The following KHDRBS3 variants were observed in gnomAD, a reference collection of about 807,000 sequenced individuals.
The protein encoded by KHDRBS3 is KH RNA binding domain containing, signal transduction associated 3.
Under a neutral mutation model 45.6 loss-of-function variants are expected in KHDRBS3, and 23 were observed. That is an observed-to-expected ratio of 0.50 (90% CI 0.36 to 0.72). KHDRBS3 has a LOEUF of 0.72. Among genes scored for constraint, KHDRBS3 ranks in the 30% least tolerant of loss-of-function variants. KHDRBS3 has a pLI of 0.00. For synonymous variants in KHDRBS3, 162 were observed against 156.5 expected (o/e 1.04, Z -0.26); for missense variants, 352 against 424.8 (o/e 0.83, Z 1.51).
chr8:135,548,747 T>A lies in KHDRBS3; in HGVS notation c.325-7T>A. ...TTTAAATGTGATTTCTTTTTTCCTT[T>A]TTCCAGGAAGAAGAGTTGAGGAAAA... On this transcript the variant is annotated splice_polypyrimidine_tract_variant and splice_region_variant and intron_variant, in intron 3 of 8. Coordinates refer to ENST00000355849, the MANE Select transcript of KHDRBS3 (RefSeq NM_006558.3). 1 of 1,500,998 alleles carries A rather than the reference T, an allele frequency of 6.7e-7. No individual in the cohort carries two copies. Among genetic ancestry groups the A allele is most frequent in the Non-Finnish European group, 8.9e-7 (1 of 1,124,436 alleles). The allele number at this position is 1,500,998 out of a possible 1,614,324, so 93.0% of individuals were successfully genotyped here.
chr8:135,609,314 A>AT (rs922493693), intron 7 of KHDRBS3, among the ~76,000 whole-genome samples: 7 of 147,336 alleles, frequency 4.8e-5, no homozygotes, highest in African/African-American at 2.5e-5. Context: ...TACTTTGTAA[A>AT]TTTTTTTTTC....
downstream of KHDRBS3, among the ~76,000 whole-genome samples, chr8:135,650,580 G>GTA (rs915370886): frequency 1.3e-5 from 2 of 152,178 alleles, no homozygotes; most frequent in Non-Finnish European, 2.9e-5. Flanking sequence ...TGTTGCTCAT[G>GTA]TACCTTATAA....
At chr8:135,524,536 C>T (rs1262568291) in intron 2 of KHDRBS3, among the ~76,000 whole-genome samples, 2 of 152,152 alleles carry the variant, frequency 1.3e-5, no homozygotes, top group African/African-American at 4.8e-5. Flanking sequence ...CCTATGACAT[C>T]TTTCGTGAAA....
At chr8:135,540,629 G>A (rs1825998919) in intron 2 of KHDRBS3, 1 of 152,242 alleles carries the variant, frequency 6.6e-6, no homozygotes, top group South Asian at 2.1e-4. Flanking sequence ...AAGTGTGCGT[G>A]CTTAGTGATG....
At chr8:135,458,099 G>T in intron 1 of KHDRBS3, 145 bp downstream of exon 1, 1 of 1,392,304 alleles carries the variant, frequency 7.2e-7, no homozygotes, top group Non-Finnish European at 9.3e-7. Flanking sequence ...TCGTTTGCAC[G>T]GGGACCTGGG....
intron 4 of KHDRBS3, among the ~76,000 whole-genome samples, chr8:135,555,954 C>T (rs533093124): frequency 2.6e-5 from 4 of 152,204 alleles, no homozygotes; most frequent in African/African-American, 9.6e-5. Context: ...TCTCATTGTC[C>T]ACCTCCCACT....
intron 1 of KHDRBS3, among the ~76,000 whole-genome samples, chr8:135,503,033 A>G (rs570956638): frequency 6.6e-6 from 1 of 152,208 alleles, no homozygotes; most frequent in African/African-American, 2.4e-5. Flanking sequence ...CTGCACAGAC[A>G]TAGAGCATTT....
At chr8:135,527,410 T>C (rs1239328640) in intron 2 of KHDRBS3, among the ~76,000 whole-genome samples, 1 of 152,220 alleles carries the variant, frequency 6.6e-6, no homozygotes, top group African/African-American at 2.4e-5. Flanking sequence ...AGGAGCACTA[T>C]ATTGAAGCAC....
intron 1 of KHDRBS3, among the ~76,000 whole-genome samples, chr8:135,487,717 G>A (rs1390642427): frequency 6.6e-6 from 1 of 152,124 alleles, no homozygotes; most frequent in African/African-American, 2.4e-5. Flanking sequence ...CTGGAGCCTC[G>A]ATAGTCCATG....
At chr8:135,558,864 G>A (rs532362357) in intron 5 of KHDRBS3, among the ~76,000 whole-genome samples, 1 of 152,186 alleles carries the variant, frequency 6.6e-6, no homozygotes, top group Admixed American at 6.5e-5. Flanking sequence ...CTAGGCCAAA[G>A]TCAAGGTGTT....
intron 1 of KHDRBS3, among the ~76,000 whole-genome samples, chr8:135,504,098 A>G (rs1387536368): frequency 6.6e-6 from 1 of 152,068 alleles, no homozygotes; most frequent in African/African-American, 2.4e-5. Context: ...CTTTTTTCTC[A>G]GTGTCATACT....
chr8:135,514,407 T>C (rs938013079), intron 1 of KHDRBS3, among the ~76,000 whole-genome samples: 1 of 152,258 alleles, frequency 6.6e-6, no homozygotes, highest in South Asian at 2.1e-4. Flanking sequence ...TACTGCCACA[T>C]GCTGCCCCGT....
In KHDRBS3 at chr8:135,604,336, G is replaced by A. The variant is rs1332185210; in HGVS notation, c.808-2619G>A. ...TTTGAACTAAAGTGTGTCTCTTGTA[G>A]ACAGCATGTGGTTGGATCATTTTTC... is the stretch of plus-strand genomic sequence containing the variant. On this transcript the variant is annotated intron_variant, in intron 6 of 8. Coordinates refer to ENST00000355849, the MANE Select transcript of KHDRBS3 (RefSeq NM_006558.3). Among the ~76,000 whole-genome samples, 4 of 151,774 alleles carry A rather than the reference G, an allele frequency of 2.6e-5. No homozygotes were observed. The East Asian group carries it at 7.7e-4, about 29-fold the overall frequency.
intron 7 of KHDRBS3, among the ~76,000 whole-genome samples, chr8:135,643,769 G>A (rs1831166821): frequency 6.6e-6 from 1 of 152,180 alleles, no homozygotes; most frequent in Admixed American, 6.5e-5. Context: ...TGTTCTCCAT[G>A]CAATTTAGCC....
At chr8:135,610,455 A>G (rs1387134060) in intron 7 of KHDRBS3, among the ~76,000 whole-genome samples, 1 of 151,848 alleles carries the variant, frequency 6.6e-6, no homozygotes, top group African/African-American at 2.4e-5. Flanking sequence ...TATTTATTCA[A>G]TCAGTGTTTA....
At chr8:135,461,737 T>A (rs1249584510) in intron 1 of KHDRBS3, among the ~76,000 whole-genome samples, 1 of 152,252 alleles carries the variant, frequency 6.6e-6, no homozygotes, top group Non-Finnish European at 1.5e-5. Flanking sequence ...ACACTGTATT[T>A]TTAATTATCT....
At chr8:135,504,464 A>G (rs1823889476) in intron 1 of KHDRBS3, among the ~76,000 whole-genome samples, 1 of 152,182 alleles carries the variant, frequency 6.6e-6, no homozygotes, top group Non-Finnish European at 1.5e-5. Context: ...TAGCATTTGT[A>G]TGTAATACCT....
At chr8:135,651,844 G>A (rs1411644850), downstream of KHDRBS3, among the ~76,000 whole-genome samples, 1 of 152,108 alleles carries the variant, frequency 6.6e-6, no homozygotes, top group African/African-American at 2.4e-5. Flanking sequence ...GCAGTGTTAG[G>A]AACGGTTAGC....
chr8:135,644,676 C>T (rs1033427442), intron 7 of KHDRBS3, among the ~76,000 whole-genome samples: 1 of 152,242 alleles, frequency 6.6e-6, no homozygotes, highest in East Asian at 1.9e-4. Context: ...ACAGGCCCAG[C>T]CCTAGCTCTT....
Sources: allele counts gnomAD v4.1 joint callset (sites outside exome capture counted in the v4.1 genomes callset), GRCh38; gene constraint gnomAD v4.1.1; transcripts MANE v1.5; gene names NCBI Gene and HGNC (gene_info 2026-07-23, HGNC 2026-07-21).